PDCD6: variants seen among roughly 807,000 people sequenced by gnomAD.
PDCD6 encodes programmed cell death protein 6.
In PDCD6, 12 loss-of-function variants were observed where a neutral mutation model predicts 28.3. The ratio of observed to expected loss-of-function variants is 0.42; its 90% CI spans 0.27 to 0.69. The LOEUF is 0.69. Ranked by LOEUF, PDCD6 falls within the 30% of genes least tolerant of loss-of-function variation. PDCD6 has a pLI of 0.22. For missense variants in PDCD6, 226 were observed against 269.9 expected, an observed-to-expected ratio of 0.84 and a Z score of 1.14; for synonymous variants, 92 against 108.0, an observed-to-expected ratio of 0.85 and a Z score of 0.92.
intron 2 of PDCD6, among the ~76,000 whole-genome samples, chr5:285,002 C>T (rs569534466): frequency 4.1e-5 from 6 of 146,300 alleles, no homozygotes; most frequent in Admixed American, 4.1e-4. Flanking sequence ...GGTTCCCATC[C>T]GGGTCTCCAG....
intron 2 of PDCD6, among the ~76,000 whole-genome samples, chr5:283,817 G>A (rs751188131): frequency 2.0e-5 from 3 of 151,280 alleles, no homozygotes; most frequent in Non-Finnish European, 4.4e-5. Context: ...TGAAGGTCTT[G>A]CAGCTGCAGA....
At chr5:306,858 C>G (rs1740530080) in intron 4 of PDCD6, 98 bp downstream of exon 4, 3 of 1,254,014 alleles carry the variant, frequency 2.4e-6, no homozygotes, top group South Asian at 1.2e-5. Flanking sequence ...GATTGTCTAA[C>G]CAGGCTACGT....
Position 307,753 on chromosome 5 carries a change from C to T in PDCD6, c.367+993C>T, listed in dbSNP as rs530443732. 7.2e-5 allele frequency among the ~76,000 whole-genome samples: 11 copies of T among 152,316 alleles called. No homozygotes were observed. The South Asian group carries it at 2.3e-3, about 32-fold the overall frequency. On this transcript the variant is annotated intron_variant, in intron 4 of 5. Transcript: ENST00000264933. This position sits in a 1 kb window ranked among gnomAD's most constrained non-coding sequence, Gnocchi z 6.1. ...AAATTCGATTCTACTTGAGTACCTC[C>T]GAGATCCCTGGAGTCTCACTTATCT...
At chr5:296,745 G>GGA (rs1739639041) in intron 2 of PDCD6, among the ~76,000 whole-genome samples, 1 of 152,242 alleles carries the variant, frequency 6.6e-6, no homozygotes, top group African/African-American at 2.4e-5. Context: ...CTTCGAGGGT[G>GGA]GAGAGAGTAA....
intron 2 of PDCD6, among the ~76,000 whole-genome samples, chr5:292,196 A>G (rs7703803): frequency 0.24 from 36,422 of 152,062 alleles, 6,769 homozygotes; most frequent in African/African-American, 0.52. Flanking sequence ...GTGGAGGGCC[A>G]GTTCAGCTCT....
intron 2 of PDCD6, among the ~76,000 whole-genome samples, chr5:294,872 A>C (rs1739507967): frequency 1.3e-5 from 2 of 152,150 alleles, no homozygotes; most frequent in African/African-American, 4.8e-5. Context: ...GGATGCACCC[A>C]AATGCCCCAG....
At position 311,365 on chromosome 5, in the gene PDCD6, C is replaced by T. The variant is rs757656555; in HGVS notation, c.440C>T (p.Ala147Val). Residue 147 changes from alanine to valine, a missense_variant, in exon 5 of 6, where the codon GCC becomes GTC. Physicochemically the swap from Ala to Val is moderately conservative, Grantham distance 64. Around this residue, in one of 3 missense-constraint regions of PDCD6, gnomAD observed 151 missense variants for 177.2 expected, o/e 0.85. Coordinates refer to ENST00000264933, the MANE Select transcript of PDCD6 (RefSeq NM_013232.4). ...KFDRQGRGQI[A>V]FDDFIQGCIV... ...GACAGGCAGGGACGGGGGCAGATTG[C>T]CTTCGACGACTTCATCCAGGGCTGC... The T allele has an allele frequency of 2.5e-6, 4 of 1,613,968 alleles. No homozygotes were observed. Among genetic ancestry groups the T allele is most frequent in the South Asian group, 1.1e-5 (1 of 91,072 alleles).
intron 2 of PDCD6, among the ~76,000 whole-genome samples, chr5:294,367 G>A (rs13361704): frequency 0.23 from 34,321 of 147,306 alleles, 6,287 homozygotes; most frequent in African/African-American, 0.52. Context: ...GAAAGTAAAA[G>A]CCCCAGTATT....
intron 2 of PDCD6, among the ~76,000 whole-genome samples, chr5:286,793 G>C (rs865933294): frequency 2.6e-5 from 4 of 152,218 alleles, no homozygotes; most frequent in African/African-American, 9.6e-5. Context: ...TGCAGCTGCA[G>C]ATCCAGGGAT....
chr5:280,655 G>A (rs1325792191), intron 2 of PDCD6, among the ~76,000 whole-genome samples: 2 of 151,222 alleles, frequency 1.3e-5, no homozygotes, highest in Non-Finnish European at 3.0e-5. Flanking sequence ...GTAGGCTGTG[G>A]ATGGGAGCTG....
At chr5:273,240 G>C (rs1260143220) in intron 2 of PDCD6, 1 of 168,594 alleles carries the variant, frequency 5.9e-6, no homozygotes, top group Admixed American at 5.8e-5. Context: ...GCAGAAACTG[G>C]GACTGGGTTC....
At chr5:280,562 A>C (rs1342424836) in intron 2 of PDCD6, among the ~76,000 whole-genome samples, 36 of 108,486 alleles carry the variant, frequency 3.3e-4, no homozygotes, top group African/African-American at 1.2e-3. Flanking sequence ...ACCATAAGCC[A>C]GGGCAGAGGG....
chr5:308,094 C>T (rs1280615929), intron 4 of PDCD6: 1 of 152,260 alleles, frequency 6.6e-6, no homozygotes, highest in East Asian at 1.9e-4. Flanking sequence ...GAGAGTGGTC[C>T]TGGGGGCCAG....
chr5:299,792 G>T (rs375514050), intron 2 of PDCD6, among the ~76,000 whole-genome samples: 1 of 152,064 alleles, frequency 6.6e-6, no homozygotes, highest in Non-Finnish European at 1.5e-5. Context: ...CTGGTGATCC[G>T]CCCGCCTTGG....
intron 2 of PDCD6, among the ~76,000 whole-genome samples, chr5:291,987 A>G (rs1259917173): frequency 5.3e-5 from 8 of 152,356 alleles, no homozygotes; most frequent in East Asian, 3.9e-4. Context: ...ATATACAAGC[A>G]TAACAAAAAT....
intron 2 of PDCD6, chr5:289,512 A>G (rs766578205): frequency 1.2e-4 from 84 of 726,500 alleles, no homozygotes; most frequent in Non-Finnish European, 1.8e-4. Context: ...CTTCTACCAT[A>G]ACCGAAGAAA....
At chr5:297,811 C>T (rs1445321770) in intron 2 of PDCD6, among the ~76,000 whole-genome samples, 4 of 152,122 alleles carry the variant, frequency 2.6e-5, no homozygotes, top group Admixed American at 6.5e-5. Flanking sequence ...TAGAAGTCAT[C>T]CAAAGTATCA....
At chr5:273,057 T>C in intron 2 of PDCD6, 2 of 460,044 alleles carry the variant, frequency 4.3e-6, no homozygotes, top group Non-Finnish European at 8.0e-6. Context: ...AATAGGAAGC[T>C]TAGCTCTGTA....
chr5:291,977 A>G (rs1429637246), intron 2 of PDCD6, among the ~76,000 whole-genome samples: 1 of 152,198 alleles, frequency 6.6e-6, no homozygotes, highest in Non-Finnish European at 1.5e-5. Flanking sequence ...ATACTCTTTC[A>G]TATACAAGCA....
Sources: gnomAD v4.1 joint callset for allele counts (sites outside exome capture counted in the v4.1 genomes callset) on GRCh38, gnomAD v4.1.1 for gene constraint, gnomAD v4.1.1 regional missense constraint, Gnocchi (gnomAD v3.1) non-coding constraint, MANE v1.5 for transcripts, NCBI Gene and HGNC (gene_info 2026-07-23, HGNC 2026-07-21) for gene names.